The following SPOCK1 variants were observed in gnomAD, a reference collection of about 807,000 sequenced individuals.
SPOCK1 encodes the protein testican-1.
Under a neutral mutation model 55.3 loss-of-function variants are expected in SPOCK1, and 23 were observed. The observed-to-expected ratio is 0.42, with a 90% CI of 0.30 to 0.59. The LOEUF (loss-of-function observed/expected upper bound fraction) is 0.59. Among genes scored for constraint, SPOCK1 ranks in the 20% least tolerant of loss-of-function variants. The pLI, the probability that SPOCK1 is intolerant of heterozygous loss-of-function variation, is 0.22. For synonymous variants in SPOCK1, 226 were observed against 221.0 expected (o/e 1.02, Z -0.20); for missense variants, 499 against 552.5 (o/e 0.90, Z 0.97).
At chr5:137,048,802 C>T (rs1187091200) in intron 6 of SPOCK1, among the ~76,000 whole-genome samples, 244 of 105,514 alleles carry the variant, frequency 2.3e-3, no homozygotes, top group African/African-American at 8.5e-3. Context: ...CCATGTTTAG[C>T]GCTTCCTTCA....
chr5:137,092,026 C>T (rs1241706143), intron 5 of SPOCK1, among the ~76,000 whole-genome samples: 1 of 152,128 alleles, frequency 6.6e-6, no homozygotes, highest in African/African-American at 2.4e-5. Flanking sequence ...CCTGATCTGG[C>T]CCCTGCTCAC....
Position 137,495,534 on chromosome 5 carries a change from A to G in SPOCK1, c.186+2839T>C, listed in dbSNP as rs151064927. On this transcript the variant is annotated intron_variant, in intron 2 of 10. Coordinates refer to ENST00000394945, the MANE Select transcript of SPOCK1 (RefSeq NM_004598.4). ...TTCACAATGAGTTCCAAAAATTGAC[A>G]TGCATCATAACAATAATTGTGGGAC... 4.1e-3 allele frequency among the ~76,000 whole-genome samples: 626 copies of G among 152,388 alleles called. 4 individuals carry two copies. Among genetic ancestry groups the G allele is most frequent in the African/African-American group, 0.014 (593 of 41,598 alleles).
intron 2 of SPOCK1, among the ~76,000 whole-genome samples, chr5:137,310,994 C>G (rs957004506): frequency 6.6e-6 from 1 of 152,168 alleles, no homozygotes; most frequent in Non-Finnish European, 1.5e-5. Context: ...GGGAACAGGC[C>G]TTGGGGAACC....
At chr5:137,237,048 C>T (rs903063755) in intron 3 of SPOCK1, among the ~76,000 whole-genome samples, 4 of 152,240 alleles carry the variant, frequency 2.6e-5, no homozygotes, top group African/African-American at 9.6e-5. Context: ...TCTATAATGA[C>T]TTCACCCAAT....
chr5:137,085,697 A>C (rs1235100355), intron 5 of SPOCK1, among the ~76,000 whole-genome samples: 1 of 152,244 alleles, frequency 6.6e-6, no homozygotes, highest in East Asian at 1.9e-4. Flanking sequence ...GATGACGATG[A>C]CAGAAACTGA....
intron 5 of SPOCK1, among the ~76,000 whole-genome samples, chr5:137,111,321 C>T (rs1456013539): frequency 6.6e-6 from 1 of 152,158 alleles, no homozygotes; most frequent in Non-Finnish European, 1.5e-5. Flanking sequence ...CCTACAGCAA[C>T]TCTTTAGTCA....
At chr5:137,155,727 G>A (rs1187960176) in intron 3 of SPOCK1, among the ~76,000 whole-genome samples, 1 of 152,190 alleles carries the variant, frequency 6.6e-6, no homozygotes, top group African/African-American at 2.4e-5. Flanking sequence ...CCATTTCATG[G>A]ACAATCGTTT....
At chr5:137,344,632 A>T (rs188483545) in intron 2 of SPOCK1, among the ~76,000 whole-genome samples, 2 of 152,344 alleles carry the variant, frequency 1.3e-5, no homozygotes, top group Non-Finnish European at 1.5e-5. Context: ...GTGCAGGACA[A>T]CTGCCTGCAA....
intron 3 of SPOCK1, among the ~76,000 whole-genome samples, chr5:137,156,377 G>A (rs756933132): frequency 3.3e-5 from 5 of 152,076 alleles, no homozygotes; most frequent in African/African-American, 4.8e-5. Flanking sequence ...CAGAGTTTGC[G>A]CATTCTTATC....
chr5:137,224,207 T>C (rs1755907139), intron 3 of SPOCK1, among the ~76,000 whole-genome samples: 1 of 152,218 alleles, frequency 6.6e-6, no homozygotes, highest in Non-Finnish European at 1.5e-5. Context: ...CTCAGCTTAA[T>C]ATATTATTGG....
At chr5:137,155,066 G>A (rs1580779915) in intron 3 of SPOCK1, among the ~76,000 whole-genome samples, 4 of 152,296 alleles carry the variant, frequency 2.6e-5, no homozygotes, top group South Asian at 4.1e-4. Context: ...GTGGTCAGGA[G>A]GACTGGGTGA....
intron 3 of SPOCK1, among the ~76,000 whole-genome samples, chr5:137,237,973 C>T (rs1161139590): frequency 6.6e-6 from 1 of 152,166 alleles, no homozygotes; most frequent in African/African-American, 2.4e-5. Flanking sequence ...AGCAATACAT[C>T]ATGGTGGTTG....
chr5:137,176,251 A>T (rs186087455), intron 3 of SPOCK1, among the ~76,000 whole-genome samples: 46 of 152,296 alleles, frequency 3.0e-4, no homozygotes, highest in African/African-American at 1.1e-3. Flanking sequence ...AATGGCCGGT[A>T]TATCCTCAAC....
At chr5:137,263,744 T>C (rs1169644618) in intron 3 of SPOCK1, among the ~76,000 whole-genome samples, 1 of 152,188 alleles carries the variant, frequency 6.6e-6, no homozygotes, top group Non-Finnish European at 1.5e-5. Flanking sequence ...CAAAAGGATA[T>C]ACTACTTATG....
chr5:137,138,423 G>C (rs962679066), intron 4 of SPOCK1, among the ~76,000 whole-genome samples: 4 of 151,782 alleles, frequency 2.6e-5, no homozygotes, highest in Non-Finnish European at 5.9e-5. Flanking sequence ...AAAATGTCTT[G>C]TCTAACACTT....
chr5:137,432,431 AG>A (rs1255412048), intron 2 of SPOCK1, among the ~76,000 whole-genome samples: 1 of 148,554 alleles, frequency 6.7e-6, no homozygotes, highest in African/African-American at 2.5e-5. Context: ...CCATAAAAAA[AG>A]GAAATTCTGA....
intron 2 of SPOCK1, among the ~76,000 whole-genome samples, chr5:137,458,381 A>G (rs746797422): frequency 3.1e-4 from 47 of 152,234 alleles, no homozygotes; most frequent in Non-Finnish European, 6.3e-4. Flanking sequence ...TTTCTACAAT[A>G]AACATATGTT....
At chr5:137,362,219 T>C (rs1340630384) in intron 2 of SPOCK1, among the ~76,000 whole-genome samples, 2 of 152,104 alleles carry the variant, frequency 1.3e-5, no homozygotes, top group African/African-American at 4.8e-5. Flanking sequence ...GCTTTAAAAG[T>C]GACTTATTTA....
chr5:137,069,734 T>C (rs1446920204), intron 5 of SPOCK1, among the ~76,000 whole-genome samples: 1 of 152,226 alleles, frequency 6.6e-6, no homozygotes, highest in Non-Finnish European at 1.5e-5. Flanking sequence ...TCTGGGCTAG[T>C]TCTCTGGAAC....
Sources: gnomAD v4.1 joint callset for allele counts (sites outside exome capture counted in the v4.1 genomes callset) on GRCh38, gnomAD v4.1.1 for gene constraint, MANE v1.5 for transcripts, NCBI Gene and HGNC (gene_info 2026-07-23, HGNC 2026-07-21) for gene names.